The following SPMIP2 variants were observed in gnomAD, a reference collection of about 807,000 sequenced individuals.
SPMIP2 encodes sperm microtubule inner protein 2.
At chr4:158,956,236 C>T in the SPMIP2 span, among the ~76,000 whole-genome samples, 54,488 of 152,130 alleles carry the variant, frequency 0.36, 9,992 homozygotes, top group South Asian at 0.5. Flanking sequence ...TCAGCCCTGG[C>T]GATACATCAC....
chr4:159,079,567 A>C, the SPMIP2 span, among the ~76,000 whole-genome samples: 65 of 152,358 alleles, frequency 4.3e-4, no homozygotes, highest in Non-Finnish European at 7.5e-4. Flanking sequence ...GAAGTCTTCT[A>C]GTCAAGAAGA....
chr4:158,895,856 T>A, the SPMIP2 span: 1 of 1,611,472 alleles, frequency 6.2e-7, no homozygotes, highest in South Asian at 1.1e-5. Context: ...GAATTAGGTG[T>A]CGTACTGGGG....
At chr4:159,012,211 C>A in the SPMIP2 span, among the ~76,000 whole-genome samples, 1 of 152,080 alleles carries the variant, frequency 6.6e-6, no homozygotes, top group Non-Finnish European at 1.5e-5. Context: ...CAAGACCAAC[C>A]AGGGCAACAT....
the SPMIP2 span, among the ~76,000 whole-genome samples, chr4:159,068,118 T>C: frequency 6.6e-6 from 1 of 152,182 alleles, no homozygotes; most frequent in African/African-American, 2.4e-5. Flanking sequence ...CTCAGGGATC[T>C]AGAACTAGAA....
At chr4:159,052,815 A>G in the SPMIP2 span, among the ~76,000 whole-genome samples, 1 of 150,280 alleles carries the variant, frequency 6.7e-6, no homozygotes, top group South Asian at 2.1e-4. Context: ...TTGTATTTTT[A>G]GTAGAGACGG....
chr4:159,050,435 T>C, the SPMIP2 span, among the ~76,000 whole-genome samples: 2 of 152,040 alleles, frequency 1.3e-5, no homozygotes, highest in Non-Finnish European at 2.9e-5. Flanking sequence ...GGAGTAAGGA[T>C]CACCATATCC....
chr4:158,997,577 T>C, the SPMIP2 span, among the ~76,000 whole-genome samples: 12 of 152,126 alleles, frequency 7.9e-5, no homozygotes, highest in African/African-American at 2.9e-4. Context: ...AGCCAGGGGC[T>C]CATTCAGAAA....
At chr4:158,971,636 T>A in the SPMIP2 span, among the ~76,000 whole-genome samples, 1 of 152,236 alleles carries the variant, frequency 6.6e-6, no homozygotes, top group Non-Finnish European at 1.5e-5. Context: ...TGGGTTCTCA[T>A]ATATAGTCCT....
At chr4:158,896,002 G>A in the SPMIP2 span, 5 of 628,816 alleles carry the variant, frequency 8.0e-6, no homozygotes, top group East Asian at 2.8e-5. Flanking sequence ...CATCAGATAC[G>A]TGCCTCTGCA....
the SPMIP2 span, among the ~76,000 whole-genome samples, chr4:159,057,398 T>A: frequency 1.4e-4 from 21 of 152,294 alleles, no homozygotes; most frequent in East Asian, 4.0e-3. Flanking sequence ...ACAGTACATT[T>A]TTTCTCCCTT....
At chr4:159,008,698 T>C in the SPMIP2 span, among the ~76,000 whole-genome samples, 1 of 152,250 alleles carries the variant, frequency 6.6e-6, no homozygotes, top group African/African-American at 2.4e-5. Flanking sequence ...TTCATTTTCA[T>C]GTTATAATTT....
At chr4:159,003,999 T>C in the SPMIP2 span, among the ~76,000 whole-genome samples, 3 of 151,942 alleles carry the variant, frequency 2.0e-5, no homozygotes, top group Non-Finnish European at 4.4e-5. Flanking sequence ...GCTGAGTCCA[T>C]TTTGGGTTTT....
At chr4:159,077,609 T>C in the SPMIP2 span, among the ~76,000 whole-genome samples, 1 of 152,226 alleles carries the variant, frequency 6.6e-6, no homozygotes, top group African/African-American at 2.4e-5. Context: ...GTATTAGAAA[T>C]GTATAATCAA....
At chr4:158,998,912 T>G in the SPMIP2 span, among the ~76,000 whole-genome samples, 2 of 152,006 alleles carry the variant, frequency 1.3e-5, no homozygotes, top group South Asian at 4.2e-4. Flanking sequence ...GGCTCATGAC[T>G]ACTTTGGAAG....
chr4:158,933,293 T>C, the SPMIP2 span, among the ~76,000 whole-genome samples: 1 of 152,186 alleles, frequency 6.6e-6, no homozygotes, highest in African/African-American at 2.4e-5. Context: ...GTGCCTCCAG[T>C]GTTTTCAAAA....
At chr4:158,973,499 G>A in the SPMIP2 span, among the ~76,000 whole-genome samples, 1 of 151,948 alleles carries the variant, frequency 6.6e-6, no homozygotes, top group Non-Finnish European at 1.5e-5. Context: ...TCTTATTAAT[G>A]CTTATCTGTT....
the SPMIP2 span, among the ~76,000 whole-genome samples, chr4:158,983,247 A>G: frequency 2.0e-5 from 3 of 152,114 alleles, no homozygotes; most frequent in African/African-American, 7.2e-5. Context: ...GCAGGATATT[A>G]TCCAGGAGAA....
At chr4:158,972,934 C>T in the SPMIP2 span, 2 of 617,014 alleles carry the variant, frequency 3.2e-6, no homozygotes, top group South Asian at 2.1e-5. Context: ...TGCATTTATT[C>T]ACACATGTGT....
the SPMIP2 span, chr4:158,915,154 A>C: frequency 6.3e-7 from 1 of 1,597,034 alleles, no homozygotes; most frequent in Non-Finnish European, 8.5e-7. Context: ...CGATTTAGAA[A>C]AGCAAAACAT....
Sources: allele counts gnomAD v4.1 joint callset (sites outside exome capture counted in the v4.1 genomes callset), GRCh38; gene constraint gnomAD v4.1.1; transcripts MANE v1.5; gene names NCBI Gene and HGNC (gene_info 2026-07-23, HGNC 2026-07-21).